Variants in ABCD2 observed in about 807,000 individuals in gnomAD.
ABCD2 encodes the protein ATP binding cassette subfamily D member 2.
Under a neutral mutation model 70.9 loss-of-function variants are expected in ABCD2, and 36 were observed. The ratio of observed to expected loss-of-function variants is 0.51; its 90% CI spans 0.39 to 0.67. The LOEUF is 0.67. ABCD2 is among the 30% of genes least tolerant of loss of function. ABCD2 has a pLI of 0.00. For missense variants in ABCD2, 729 were observed against 890.2 expected (o/e 0.82, Z 2.30); for synonymous variants, 304 against 306.9 (o/e 0.99, Z 0.10).
intron 8 of ABCD2, among the ~76,000 whole-genome samples, chr12:39,576,973 GAA>G (rs1941526761): frequency 6.6e-6 from 1 of 151,604 alleles, no homozygotes; most frequent in Non-Finnish European, 1.5e-5. Flanking sequence ...AATTACATAT[GAA>G]ATAAAAAGGA....
intron 9 of ABCD2, among the ~76,000 whole-genome samples, chr12:39,556,366 G>T (rs1375545672): frequency 6.6e-6 from 1 of 152,174 alleles, no homozygotes; most frequent in East Asian, 1.9e-4. Context: ...AAGAGACAAG[G>T]CGTAGGCAGT....
intron 7 of ABCD2, among the ~76,000 whole-genome samples, chr12:39,582,860 ATTTTTTT>A (rs768887989): frequency 7.0e-6 from 1 of 143,146 alleles, no homozygotes; most frequent in Non-Finnish European, 1.5e-5. Context: ...TTAGCTACTA[ATTTTTTT>A]TTTTTTTTTT....
chr12:39,600,659 G>C lies in ABCD2; in HGVS notation c.1558C>G (p.Leu520Val). ...CAGAGCCCACTTAGAATTCTGAAGA[G>C]AGAACTTTTCCCACAACCATTGGGA... ...TGPNGCGKSS[L>V]FRILSGLWPV... Residue 520 changes from leucine to valine, a missense_variant, in exon 6 of 10, where the codon CTC becomes GTC. This residue lies in a region of ABCD2 where 289 missense variants were observed against 328.8 expected (regional missense o/e 0.88). Coordinates refer to ENST00000308666, the MANE Select transcript of ABCD2 (RefSeq NM_005164.4). The C allele has an allele frequency of 1.9e-6, 3 of 1,612,620 alleles. No homozygotes were observed. Among genetic ancestry groups the C allele is most frequent in the Non-Finnish European group, 2.5e-6 (3 of 1,179,280 alleles).
intron 9 of ABCD2, among the ~76,000 whole-genome samples, chr12:39,561,003 A>G (rs1941249187): frequency 6.6e-6 from 1 of 152,176 alleles, no homozygotes; most frequent in Non-Finnish European, 1.5e-5. Context: ...GAAAATATCT[A>G]CAAAACAACT....
rs1446696329 is a variant in ABCD2, at chr12:39,554,029, C to G, written c.2106G>C (p.Lys702Asn). 2.5e-6 allele frequency: 4 copies of G among 1,613,508 alleles called. No individual in the cohort carries two copies. Among genetic ancestry groups the G allele is most frequent in the African/African-American group, 2.7e-5 (2 of 74,914 alleles). Reference sequence around the variant, plus strand: ...GAATTCCAGCTAGCTGAGATTCTAGCTTTTGTTTTTCTTCACTCAATGTCA... The same window carrying G: ...GAATTCCAGCTAGCTGAGATTCTAGGTTTTGTTTTTCTTCACTCAATGTCA... ...IRLTLSEEKQ[K>N]LESQLAGIPK... Residue 702 changes from lysine to asparagine, a missense_variant, in exon 10 of 10, where the codon AAG becomes AAC. Physicochemically the swap from Lys to Asn is moderately conservative, Grantham distance 94. Around this residue, in one of 3 missense-constraint regions of ABCD2, gnomAD observed 289 missense variants for 328.8 expected, o/e 0.88. Coordinates refer to ENST00000308666, the MANE Select transcript of ABCD2 (RefSeq NM_005164.4).
the ABCD2 span, among the ~76,000 whole-genome samples, chr12:39,532,061 C>T: frequency 6.6e-5 from 10 of 152,086 alleles, no homozygotes; most frequent in Admixed American, 3.3e-4. Context: ...GTGGGAGTAC[C>T]TGAGAAATAG....
At chr12:39,561,937 T>C (rs11172617) in intron 9 of ABCD2, among the ~76,000 whole-genome samples, 11,193 of 152,222 alleles carry the variant, frequency 0.074, 599 homozygotes, top group South Asian at 0.28. Flanking sequence ...TCACATGTAA[T>C]GCCATAAAAC....
chr12:39,599,910 G>T (rs899393745), intron 6 of ABCD2, among the ~76,000 whole-genome samples: 1 of 152,174 alleles, frequency 6.6e-6, no homozygotes, highest in Non-Finnish European at 1.5e-5. Flanking sequence ...CAATTAACAT[G>T]AGGAAGTTCT....
rs189701749 is a variant in ABCD2, at chr12:39,567,786, G to C, written c.2003+5930C>G. On this transcript the variant is annotated intron_variant, in intron 9 of 9. Coordinates refer to ENST00000308666, the MANE Select transcript of ABCD2 (RefSeq NM_005164.4). ...TACCGGTTGTTCCTTTCCATGTTTA[G>C]TGCTTCCTTCAGGAGCTCTTTTAGG... 6.9e-3 allele frequency among the ~76,000 whole-genome samples: 1,048 copies of C among 152,204 alleles called. 7 individuals are homozygous for C. Among genetic ancestry groups the C allele is most frequent in the South Asian group, 0.025 (119 of 4,818 alleles).
At position 39,556,871 on chromosome 12, in the gene ABCD2, C is replaced by G. The variant is rs534475301; in HGVS notation, c.2004-2740G>C. Among the ~76,000 whole-genome samples, 167 of 151,998 alleles carry G rather than the reference C, an allele frequency of 1.1e-3. 3 individuals carry two copies. The highest frequency in any genetic ancestry group is 7.4e-5 in the Non-Finnish European group (5 of 67,964). On this transcript the variant is annotated intron_variant, in intron 9 of 9. Transcript: ENST00000308666. ...TGAAGGCGGGTGCCTGTAATCCCAG[C>G]TACTCAGGAGGCTGAGGCAGGGAAT...
intron 7 of ABCD2, among the ~76,000 whole-genome samples, chr12:39,585,287 G>A (rs1941649838): frequency 6.6e-6 from 1 of 152,112 alleles, no homozygotes; most frequent in African/African-American, 2.4e-5. Context: ...AATTGTGAAG[G>A]GGATTGCCTT....
intron 6 of ABCD2, among the ~76,000 whole-genome samples, chr12:39,594,577 A>T (rs1941789478): frequency 6.6e-6 from 1 of 152,196 alleles, no homozygotes; most frequent in South Asian, 2.1e-4. Context: ...CATCAAAGAA[A>T]ATATAGATAT....
intron 9 of ABCD2, among the ~76,000 whole-genome samples, chr12:39,562,751 T>C (rs1941279308): frequency 6.6e-6 from 1 of 152,156 alleles, no homozygotes; most frequent in East Asian, 1.9e-4. Context: ...AGAACTAATA[T>C]TAGTTCTCAA....
intron 3 of ABCD2, among the ~76,000 whole-genome samples, chr12:39,606,144 C>T (rs1311289283): frequency 1.3e-5 from 2 of 151,992 alleles, no homozygotes; most frequent in Non-Finnish European, 2.9e-5. Flanking sequence ...AAGTAGAGGT[C>T]AATTCAAGAA....
Position 39,553,848 on chromosome 12 carries a change from C to A in ABCD2, c.*64G>T, listed in dbSNP as rs548648154. 194 of 1,175,688 alleles carry A rather than the reference C, an allele frequency of 1.7e-4. No homozygotes were observed. The highest frequency in any genetic ancestry group is 2.2e-4 in the Non-Finnish European group (180 of 829,056). 72.8% of individuals were successfully genotyped at this position (1,175,688 alleles called of 1,614,324 possible). A position where few individuals can be genotyped will look rare whatever the true frequency, so the allele number is the denominator to read the frequency against. ...TGTGCTTAGCTTAACATACTTCATG[C>A]AGTATAACAGAATGTCTTTGAGCCT... On this transcript the variant is annotated 3_prime_UTR_variant, in exon 10 of 10. Transcript: ENST00000308666.
intron 7 of ABCD2, 25 bp downstream of exon 7, chr12:39,586,127 A>G: frequency 1.3e-6 from 2 of 1,585,936 alleles, no homozygotes; most frequent in Non-Finnish European, 8.6e-7. Flanking sequence ...AGTTAAATGC[A>G]TTAGAAAAGA....
chr12:39,602,255 C>G (rs560665502), intron 5 of ABCD2, among the ~76,000 whole-genome samples: 1 of 151,572 alleles, frequency 6.6e-6, no homozygotes, highest in Non-Finnish European at 1.5e-5. Flanking sequence ...TGGGTTCAAG[C>G]GATTCTTGTG....
the ABCD2 span, among the ~76,000 whole-genome samples, chr12:39,538,719 T>G: frequency 6.6e-6 from 1 of 152,002 alleles, no homozygotes; most frequent in Non-Finnish European, 1.5e-5. Flanking sequence ...GCAGACCCAG[T>G]CCCAAGGCGC....
intron 6 of ABCD2, among the ~76,000 whole-genome samples, chr12:39,597,468 C>T (rs1258032074): frequency 3.9e-5 from 6 of 152,088 alleles, no homozygotes; most frequent in Admixed American, 3.9e-4. Context: ...CAGGGGATCA[C>T]AAATCTCTCC....
Sources: allele counts gnomAD v4.1 joint callset (sites outside exome capture counted in the v4.1 genomes callset), GRCh38; gene constraint gnomAD v4.1.1; regional missense constraint gnomAD v4.1.1; transcripts MANE v1.5; gene names NCBI Gene and HGNC (gene_info 2026-07-23, HGNC 2026-07-21).